CAPN1: variants seen among roughly 807,000 people sequenced by gnomAD.
CAPN1 encodes the protein calpain-1 catalytic subunit.
In CAPN1, 77 loss-of-function variants were observed where a neutral mutation model predicts 105.2. That is an observed-to-expected ratio of 0.73 (90% confidence interval 0.61 to 0.88). CAPN1 has a LOEUF of 0.88. Ranked by LOEUF, CAPN1 falls within the 40% of genes least tolerant of loss-of-function variation. CAPN1 has a pLI of 0.00. For missense variants in CAPN1, 833 were observed against 976.6 expected (o/e 0.85, Z 1.96); for synonymous variants, 355 against 388.8 (o/e 0.91, Z 1.02).
In CAPN1 at chr11:65,209,677, C is replaced by T; in HGVS notation, c.1795-172C>T. ...CAGCCCACTCCACTGCAGCCCAGCT[C>T]AGAGAATAAGGCAAGCCCGGCTGTG... On this transcript the variant is annotated intron_variant, in intron 17 of 21. Transcript: ENST00000279247. This position sits in a 1 kb window ranked among gnomAD's most constrained non-coding sequence, Gnocchi z 4.1. 1 of 697,980 alleles carries T rather than the reference C, an allele frequency of 1.4e-6. No individual in the cohort carries two copies. The highest frequency in any genetic ancestry group is 2.7e-5 in the East Asian group (1 of 36,898). The allele number at this position is 697,980 out of a possible 1,614,324, so 43.2% of individuals were successfully genotyped here. A position where few individuals can be genotyped will look rare whatever the true frequency, so the allele number is the denominator to read the frequency against.
chr11:65,193,574 G>A (rs2137343686), intron 10 of CAPN1, among the ~76,000 whole-genome samples: 1 of 137,560 alleles, frequency 7.3e-6, no homozygotes, highest in South Asian at 2.4e-4. Context: ...GAACCTGGGA[G>A]ACAGAGCTTG....
intron 10 of CAPN1, among the ~76,000 whole-genome samples, chr11:65,193,872 C>T (rs896350296): frequency 2.0e-5 from 3 of 150,940 alleles, no homozygotes; most frequent in Non-Finnish European, 1.5e-5. Context: ...TGGGATTATA[C>T]GTGTGTGCCA....
intron 10 of CAPN1, among the ~76,000 whole-genome samples, chr11:65,193,962 A>ATTTTTTTT (rs60784154): frequency 1.3e-5 from 1 of 76,232 alleles, no homozygotes; most frequent in Non-Finnish European, 2.5e-5. Flanking sequence ...CTTTGGATTG[A>ATTTTTTTT]TTTTTTTTTT....
At chr11:65,195,110 T>C (rs12278971) in intron 10 of CAPN1, among the ~76,000 whole-genome samples, 1 of 129,502 alleles carries the variant, frequency 7.7e-6, no homozygotes, top group Non-Finnish European at 1.6e-5. Flanking sequence ...GTTTTTTTTT[T>C]TTTTTTTTTT....
chr11:65,204,548 C>T (rs1020342317), intron 10 of CAPN1, 135 bp from the exon 11 acceptor site: 1 of 803,950 alleles, frequency 1.2e-6, no homozygotes, highest in East Asian at 2.7e-5. Flanking sequence ...CTGCCCATCA[C>T]CCTGCATGTT....
Position 65,208,379 on chromosome 11 carries a change from TC to T in CAPN1, c.1729+119del. Reference sequence around the variant, plus strand: ...TTGGTCTGCATGAGTCGGGGAATCCTCCAGTTTTTCTGAGCCCAGTTCCCTG... The same window carrying T: ...TTGGTCTGCATGAGTCGGGGAATCCTCAGTTTTTCTGAGCCCAGTTCCCTG... On this transcript the variant is annotated intron_variant, in intron 16 of 21. Coordinates refer to ENST00000279247, the MANE Select transcript of CAPN1 (RefSeq NM_005186.4). This position sits in a 1 kb window ranked among gnomAD's most constrained non-coding sequence, Gnocchi z 4.1. 9.9e-7 allele frequency: 1 copy of T among 1,009,172 alleles called. No homozygotes were observed. The highest frequency in any genetic ancestry group is 1.5e-6 in the Non-Finnish European group (1 of 661,660). The allele number at this position is 1,009,172 out of a possible 1,614,324, so 62.5% of individuals were successfully genotyped here. A position where few individuals can be genotyped will look rare whatever the true frequency, so the allele number is the denominator to read the frequency against.
At chr11:65,196,065 AG>A (rs1948789277) in intron 10 of CAPN1, among the ~76,000 whole-genome samples, 1 of 151,966 alleles carries the variant, frequency 6.6e-6, no homozygotes, top group Non-Finnish European at 1.5e-5. Context: ...TTAGGCTGGT[AG>A]TGATGTCCCT....
intron 10 of CAPN1, among the ~76,000 whole-genome samples, chr11:65,197,428 T>G (rs1443523463): frequency 6.6e-6 from 1 of 152,226 alleles, no homozygotes; most frequent in Admixed American, 6.5e-5. Context: ...TATTTTTACT[T>G]TCAAGTCTAT....
intron 12 of CAPN1, chr11:65,205,970 A>G (rs1315095457): frequency 9.1e-6 from 5 of 548,904 alleles, no homozygotes; most frequent in Non-Finnish European, 1.6e-5. Flanking sequence ...ACATGTACAC[A>G]TGAGGCTTTT....
chr11:65,207,635 G>A (rs956993313), intron 14 of CAPN1, among the ~76,000 whole-genome samples: 9 of 151,908 alleles, frequency 5.9e-5, no homozygotes, highest in Admixed American at 2.6e-4. Flanking sequence ...GACTCAAGCC[G>A]GGCTCAGTGG....
chr11:65,188,849 C>A lies in CAPN1; in HGVS notation c.1165+103C>A. On this transcript the variant is annotated intron_variant, in intron 10 of 21. Coordinates refer to ENST00000279247, the MANE Select transcript of CAPN1 (RefSeq NM_005186.4). The surrounding 1 kb of genome is among the most constrained non-coding windows in gnomAD (Gnocchi z 5.5). ...CGTTTCCTCACTTGCAAGATATAGG[C>A]TGATCTCTTGAATTTGCTTTGAGGA... 1.0e-6 allele frequency: 1 copy of A among 955,658 alleles called. No individual in the cohort carries two copies. The highest frequency in any genetic ancestry group is 1.5e-6 in the Non-Finnish European group (1 of 648,644). The allele number at this position is 955,658 out of a possible 1,614,324, so 59.2% of individuals were successfully genotyped here.
At chr11:65,203,772 G>C (rs580734) in intron 10 of CAPN1, 111,541 of 152,020 alleles carry the variant, frequency 0.73, 41,770 homozygotes, top group Middle Eastern at 0.86. Flanking sequence ...TTTTGAGAAA[G>C]TGCCAGAATG....
At position 65,188,984 on chromosome 11, in the gene CAPN1, C is replaced by A. The variant is rs1006790483; in HGVS notation, c.1165+238C>A. On this transcript the variant is annotated intron_variant, in intron 10 of 21. Coordinates refer to ENST00000279247, the MANE Select transcript of CAPN1 (RefSeq NM_005186.4). This position sits in a 1 kb window ranked among gnomAD's most constrained non-coding sequence, Gnocchi z 5.5. ...GGCAAAGATCTTGTGGCCATCCAGCCACCTGCCTGTCACTCCTTTCCTGGG... is the reference window on the plus strand; with the variant it reads ...GGCAAAGATCTTGTGGCCATCCAGCAACCTGCCTGTCACTCCTTTCCTGGG... 6.6e-6 allele frequency among the ~76,000 whole-genome samples: 1 copy of A among 152,090 alleles called. No homozygotes were observed. The highest frequency in any genetic ancestry group is 6.5e-5 in the Admixed American group (1 of 15,280).
rs1355860807 is a variant in CAPN1, at chr11:65,208,240, C to T, written c.1707C>T (p.Ile569=). The change falls in exon 16 of 22, where the codon ATC becomes ATT. Residue 569 remains isoleucine (I), a synonymous_variant. Transcript: ENST00000279247. The surrounding 1 kb of genome is among the most constrained non-coding windows in gnomAD (Gnocchi z 4.1). ...MEISVKELRT[I]LNRIISKHKD... is the part of the protein sequence containing the mutation. Reference sequence around the variant, plus strand: ...TCAGCGTGAAGGAGTTGCGGACAATCCTCAATAGGATCATCAGCAAACGTG... The same window carrying T: ...TCAGCGTGAAGGAGTTGCGGACAATTCTCAATAGGATCATCAGCAAACGTG... 2 of 1,570,976 alleles carry T rather than the reference C, an allele frequency of 1.3e-6. No homozygotes were observed. The highest frequency in any genetic ancestry group is 2.7e-5 in the African/African-American group (2 of 73,834).
intron 10 of CAPN1, among the ~76,000 whole-genome samples, chr11:65,203,145 G>T (rs1334471349): frequency 1.3e-5 from 2 of 151,594 alleles, no homozygotes; most frequent in African/African-American, 4.8e-5. Flanking sequence ...ATGGATAATT[G>T]GGTAGTTTCA....
At chr11:65,181,456 G>C (rs1294097031), upstream of CAPN1, 4 of 232,426 alleles carry the variant, frequency 1.7e-5, no homozygotes, top group Non-Finnish European at 3.5e-5. The surrounding 1 kb of genome is among the most constrained non-coding windows in gnomAD (Gnocchi z 4.6). Context: ...GGCGGGAGCA[G>C]CTGCGGTCGC....
rs779459026 is a variant in CAPN1, at chr11:65,204,788, T to C, written c.1271T>C (p.Met424Thr). 3.7e-6 allele frequency: 6 copies of C among 1,613,002 alleles called. No homozygotes were observed. The South Asian group carries it at 5.5e-5, about 15-fold the overall frequency. The change falls in exon 11 of 22, where the codon ATG (methionine) becomes ACG (threonine). Residue 424 changes from methionine to threonine, a missense_variant. Physicochemically the swap from Met to Thr is moderately conservative, Grantham distance 81 (BLOSUM62 -1). Transcript: ENST00000279247. ...GGCTGCAGCTTCGTGCTCGCCCTTATGCAGAAGCACCGTCGCCGCGAGCGC... is the reference window on the plus strand; with the variant it reads ...GGCTGCAGCTTCGTGCTCGCCCTTACGCAGAAGCACCGTCGCCGCGAGCGC... Reference protein sequence around the residue: ...ESGCSFVLALMQKHRRRERRF... With the variant: ...ESGCSFVLALTQKHRRRERRF...
chr11:65,187,914 G>T, intron 7 of CAPN1, 41 bp from the exon 8 acceptor site: 3 of 1,345,014 alleles, frequency 2.2e-6, no homozygotes, highest in East Asian at 2.5e-5. Flanking sequence ...AAAAAAAAGT[G>T]CCTGCTGGAA....
rs1175647829 is a variant in CAPN1, at chr11:65,209,481, C to G, written c.1794+94C>G. 5.6e-6 allele frequency: 6 copies of G among 1,071,904 alleles called. No individual in the cohort carries two copies. The East Asian group carries it at 1.0e-4, about 18-fold the overall frequency. 66.4% of individuals were successfully genotyped at this position (1,071,904 alleles called of 1,614,324 possible). The stretch of plus-strand genomic sequence containing the variant: ...TCCCAGGACAGCACAGAGAACAGGA[C>G]AGAGCCATGCGGAGTGTGGACACAC... On this transcript the variant is annotated intron_variant, in intron 17 of 21. Transcript: ENST00000279247. The surrounding 1 kb of genome is among the most constrained non-coding windows in gnomAD (Gnocchi z 4.1).
Sources: allele counts gnomAD v4.1 joint callset (sites outside exome capture counted in the v4.1 genomes callset), GRCh38; gene constraint gnomAD v4.1.1; non-coding constraint Gnocchi (gnomAD v3.1); transcripts MANE v1.5; gene names NCBI Gene and HGNC (gene_info 2026-07-23, HGNC 2026-07-21).